ZNF184: variants seen among roughly 807,000 people sequenced by gnomAD.
ZNF184 encodes zinc finger protein 184 (Kruppel-like).
In ZNF184, 16 loss-of-function variants were observed where a neutral mutation model predicts 54.4. That is an observed-to-expected ratio of 0.29 (90% CI 0.20 to 0.45). The LOEUF is 0.45. ZNF184 is among the 20% of genes least tolerant of loss of function. The probability of loss-of-function intolerance (pLI) is 1.00; values close to 1 mark genes in which losing one functional copy is unlikely to be tolerated. For missense variants in ZNF184, 681 were observed against 888.2 expected (o/e 0.77, Z 2.97); for synonymous variants, 254 against 295.3 (o/e 0.86, Z 1.43).
chr6:27,427,393 T>TC, the ZNF184 span, among the ~76,000 whole-genome samples: 1 of 152,216 alleles, frequency 6.6e-6, no homozygotes, highest in Non-Finnish European at 1.5e-5. Context: ...AAATTCTAAC[T>TC]CAGTAGCATG....
At chr6:27,450,063 G>A (rs1762682570), downstream of ZNF184, among the ~76,000 whole-genome samples, 1 of 152,196 alleles carries the variant, frequency 6.6e-6, no homozygotes, top group Non-Finnish European at 1.5e-5. Flanking sequence ...GGAATAGCTA[G>A]TAGAGATGTT....
chr6:27,448,806 G>GGCATT (rs1762667880), downstream of ZNF184, among the ~76,000 whole-genome samples: 2 of 151,808 alleles, frequency 1.3e-5, no homozygotes, highest in African/African-American at 4.8e-5. Context: ...ACCCAAGAAA[G>GGCATT]GCATTTCCTA....
At chr6:27,422,148 AAAAGAAAG>A in the ZNF184 span, among the ~76,000 whole-genome samples, 701 of 43,428 alleles carry the variant, frequency 0.016, 42 homozygotes, top group Admixed American at 0.021. Flanking sequence ...CTCAAAAAAA[AAAAGAAAG>A]AAAGAAAGAA....
downstream of ZNF184, among the ~76,000 whole-genome samples, chr6:27,450,164 T>C (rs192853111): frequency 3.9e-5 from 6 of 152,356 alleles, no homozygotes; most frequent in East Asian, 3.9e-4. Flanking sequence ...AGCCAATTTT[T>C]CTTTCCAGTG....
intron 2 of ZNF184, among the ~76,000 whole-genome samples, chr6:27,471,049 A>C (rs1000535063): frequency 3.3e-5 from 5 of 152,206 alleles, no homozygotes; most frequent in African/African-American, 1.2e-4. Flanking sequence ...AAAGGCAAAA[A>C]AAGGACTGCA....
the ZNF184 span, chr6:27,404,986 A>G: frequency 6.7e-6 from 1 of 149,256 alleles, no homozygotes; most frequent in Non-Finnish European, 1.5e-5. Flanking sequence ...CACTGCCTGC[A>G]TTCTGGGTAA....
At chr6:27,421,655 G>A in the ZNF184 span, among the ~76,000 whole-genome samples, 1 of 152,100 alleles carries the variant, frequency 6.6e-6, no homozygotes, top group Non-Finnish European at 1.5e-5. Flanking sequence ...ACAAAATACA[G>A]TACAGCTATA....
chr6:27,424,759 C>T, the ZNF184 span, among the ~76,000 whole-genome samples: 30 of 152,246 alleles, frequency 2.0e-4, 1 homozygote, highest in Non-Finnish European at 4.4e-5. Flanking sequence ...GCCCAGCTGG[C>T]TTCACCCAGT....
At chr6:27,464,992 G>C (rs929081192) in intron 3 of ZNF184, among the ~76,000 whole-genome samples, 1 of 132,420 alleles carries the variant, frequency 7.6e-6, no homozygotes, top group Admixed American at 7.8e-5. Context: ...ACTCCAGGCT[G>C]GGCGACAGAG....
At chr6:27,460,109 G>A (rs1346301138) in intron 3 of ZNF184, among the ~76,000 whole-genome samples, 1 of 152,222 alleles carries the variant, frequency 6.6e-6, no homozygotes, top group African/African-American at 2.4e-5. Context: ...CGAGGTTGCA[G>A]TGACCTATGA....
downstream of ZNF184, among the ~76,000 whole-genome samples, chr6:27,446,687 A>G (rs981781650): frequency 2.0e-5 from 3 of 152,232 alleles, no homozygotes; most frequent in South Asian, 4.1e-4. Flanking sequence ...TGGGGGTAAC[A>G]GCATGCAACA....
chr6:27,425,887 T>A, the ZNF184 span, among the ~76,000 whole-genome samples: 1 of 152,208 alleles, frequency 6.6e-6, no homozygotes, highest in Non-Finnish European at 1.5e-5. Flanking sequence ...CAGATCTCAC[T>A]CTCTTCAGAT....
chr6:27,422,148 A>AAAAAAAGAAAGAAAGAAAGAAAGAAAG, the ZNF184 span, among the ~76,000 whole-genome samples: 10 of 43,466 alleles, frequency 2.3e-4, no homozygotes, highest in African/African-American at 5.9e-4. Flanking sequence ...CTCAAAAAAA[A>AAAAAAAGAAAGAAAGAAAGAAAGAAAG]AAAGAAAGAA....
the ZNF184 span, among the ~76,000 whole-genome samples, chr6:27,435,018 A>G: frequency 6.6e-6 from 1 of 152,154 alleles, no homozygotes; most frequent in Non-Finnish European, 1.5e-5. Flanking sequence ...ATTGGTCTAT[A>G]TATCTGTTTT....
At chr6:27,423,973 T>G in the ZNF184 span, among the ~76,000 whole-genome samples, 12 of 152,328 alleles carry the variant, frequency 7.9e-5, no homozygotes, top group African/African-American at 2.6e-4. Flanking sequence ...TATTAGTTGT[T>G]GTGTCTGGAA....
chr6:27,424,687 T>G, the ZNF184 span, among the ~76,000 whole-genome samples: 171 of 152,328 alleles, frequency 1.1e-3, no homozygotes, highest in African/African-American at 3.9e-3. Flanking sequence ...GAGTGCCGAT[T>G]GGTGTATTTA....
the ZNF184 span, among the ~76,000 whole-genome samples, chr6:27,442,669 AAG>A: frequency 2.1e-5 from 3 of 144,062 alleles, no homozygotes; most frequent in African/African-American, 7.6e-5. Context: ...GCAAGCAAGA[AAG>A]AGAGAGAAAG....
chr6:27,436,227 G>C, the ZNF184 span, among the ~76,000 whole-genome samples: 3 of 151,940 alleles, frequency 2.0e-5, no homozygotes, highest in Non-Finnish European at 4.4e-5. Flanking sequence ...CAGGTGGCAC[G>C]ATCTCAGCTC....
At chr6:27,433,691 T>C in the ZNF184 span, among the ~76,000 whole-genome samples, 1 of 152,256 alleles carries the variant, frequency 6.6e-6, no homozygotes, top group Non-Finnish European at 1.5e-5. Context: ...TCAGCTTGAA[T>C]AATATTCTAT....
Sources: gnomAD v4.1 joint callset for allele counts (sites outside exome capture counted in the v4.1 genomes callset) on GRCh38, gnomAD v4.1.1 for gene constraint, MANE v1.5 for transcripts, NCBI Gene and HGNC (gene_info 2026-07-23, HGNC 2026-07-21) for gene names.